Variants in SHISA6 observed in about 807,000 individuals in gnomAD.
SHISA6 encodes the protein protein shisa-6.
In SHISA6, 22 loss-of-function variants were observed where a neutral mutation model predicts 47.9. The observed-to-expected ratio is 0.46, with a 90% CI of 0.33 to 0.66. SHISA6 has a LOEUF of 0.66. Among genes scored for constraint, SHISA6 ranks in the 30% least tolerant of loss-of-function variants. The pLI, the probability that SHISA6 is intolerant of heterozygous loss-of-function variation, is 0.02. For synonymous variants in SHISA6, 388 were observed against 337.8 expected, an observed-to-expected ratio of 1.15 and a Z score of -1.63; for missense variants, 680 against 764.6, an observed-to-expected ratio of 0.89 and a Z score of 1.30.
At chr17:11,286,012 A>G (rs1909286118) in intron 2 of SHISA6, among the ~76,000 whole-genome samples, 1 of 151,856 alleles carries the variant, frequency 6.6e-6, no homozygotes. Flanking sequence ...AATATTTTGT[A>G]TTTTTAGTAG....
chr17:11,556,575 G>A (rs551059044), intron 5 of SHISA6, among the ~76,000 whole-genome samples: 32 of 152,268 alleles, frequency 2.1e-4, no homozygotes, highest in African/African-American at 7.2e-4. Flanking sequence ...CCCAACTGCA[G>A]TTGGAGCCTC....
intron 2 of SHISA6, among the ~76,000 whole-genome samples, chr17:11,328,332 T>A (rs1415507328): frequency 6.6e-6 from 1 of 152,134 alleles, no homozygotes; most frequent in African/African-American, 2.4e-5. Flanking sequence ...TAATGGTTGC[T>A]TTGTTTGTGG....
chr17:11,418,588 C>T (rs920659632), intron 3 of SHISA6, among the ~76,000 whole-genome samples: 1 of 152,134 alleles, frequency 6.6e-6, no homozygotes, highest in Non-Finnish European at 1.5e-5. Context: ...TAACTCTATC[C>T]ACCACACTTT....
chr17:11,293,237 T>G (rs553998186), intron 2 of SHISA6, among the ~76,000 whole-genome samples: 3 of 152,274 alleles, frequency 2.0e-5, no homozygotes, highest in Admixed American at 6.5e-5. Context: ...GGAGCTTTTT[T>G]TCGCAGGTCA....
rs112340400 is a variant in SHISA6, at chr17:11,560,269, G to A, written c.*1965G>A. On this transcript the variant is annotated 3_prime_UTR_variant, in exon 6 of 6. Transcript: ENST00000441885. The stretch of plus-strand genomic sequence containing the variant: ...GATCTTAGGGGGATGGAGGCTGGGG[G>A]TTGTGAAAGCCACTGTCAGACCCCA... 6.6e-6 allele frequency: 1 copy of A among 152,464 alleles called. No homozygotes were observed. Among genetic ancestry groups the A allele is most frequent in the African/African-American group, 2.4e-5 (1 of 41,460 alleles). The allele number at this position is 152,464 out of a possible 1,614,324, so 9.4% of individuals were successfully genotyped here. A position where few individuals can be genotyped will look rare whatever the true frequency, so the allele number is the denominator to read the frequency against.
intron 3 of SHISA6, among the ~76,000 whole-genome samples, chr17:11,413,708 A>G (rs1914201709): frequency 6.6e-6 from 1 of 152,146 alleles, no homozygotes; most frequent in Admixed American, 6.5e-5. Context: ...GCCAAGCCCA[A>G]GTGTTCCAGC....
chr17:11,356,148 A>G (rs1224316234), intron 2 of SHISA6, among the ~76,000 whole-genome samples: 3 of 152,238 alleles, frequency 2.0e-5, no homozygotes, highest in African/African-American at 7.2e-5. Context: ...TGAGGCATGC[A>G]TTGTAGAATT....
intron 3 of SHISA6, among the ~76,000 whole-genome samples, chr17:11,480,841 G>A (rs781276738): frequency 1.3e-5 from 2 of 152,084 alleles, no homozygotes; most frequent in Non-Finnish European, 2.9e-5. Flanking sequence ...GAACCTAATG[G>A]TACTACTTCT....
intron 3 of SHISA6, among the ~76,000 whole-genome samples, chr17:11,492,589 G>A (rs2071373346): frequency 6.6e-6 from 1 of 152,278 alleles, no homozygotes; most frequent in Non-Finnish European, 1.5e-5. Flanking sequence ...GCATGAAAGT[G>A]TCTTACACAT....
At chr17:11,309,845 T>A (rs1390817695) in intron 2 of SHISA6, among the ~76,000 whole-genome samples, 1 of 152,238 alleles carries the variant, frequency 6.6e-6, no homozygotes, top group Non-Finnish European at 1.5e-5. Flanking sequence ...CCTTTCCCCA[T>A]TTTCAAATCT....
chr17:11,241,528 A>G lies in SHISA6; in HGVS notation c.106A>G (p.Ser36Gly). The G allele has an allele frequency of 9.0e-7, 1 of 1,116,610 alleles. No individual in the cohort carries two copies. 69.2% of individuals were successfully genotyped at this position (1,116,610 alleles called of 1,614,324 possible). ...CGGCCGCGCCGCCAACCGGACCCTG[A>G]GTGCAGGCGGCGCTGCCGTCGGGGG... ...ARGRAANRTLSAGGAAVGGRR... is the reference protein window; with the variant it reads ...ARGRAANRTLGAGGAAVGGRR... The change falls in exon 1 of 6, where the codon AGT becomes GGT. Residue 36 changes from serine (S) to glycine (G), a missense_variant. Around this residue, in one of 2 missense-constraint regions of SHISA6, gnomAD observed 121 missense variants for 90.5 expected, o/e 1.34. Transcript: ENST00000441885. This position sits in a 1 kb window ranked among gnomAD's most constrained non-coding sequence, Gnocchi z 5.5.
At chr17:11,327,079 T>C (rs1489190939) in intron 2 of SHISA6, among the ~76,000 whole-genome samples, 1 of 152,156 alleles carries the variant, frequency 6.6e-6, no homozygotes, top group African/African-American at 2.4e-5. Flanking sequence ...AAGGGAACCA[T>C]CCGATAGAGA....
chr17:11,512,606 C>T (rs1047275220), intron 3 of SHISA6, among the ~76,000 whole-genome samples: 8 of 151,902 alleles, frequency 5.3e-5, no homozygotes, highest in African/African-American at 1.2e-4. Context: ...ATTATTGCAA[C>T]AAAACAAGTA....
At chr17:11,351,130 G>A (rs1373787928) in intron 2 of SHISA6, among the ~76,000 whole-genome samples, 1 of 151,960 alleles carries the variant, frequency 6.6e-6, no homozygotes, top group Non-Finnish European at 1.5e-5. Flanking sequence ...ATCACACACT[G>A]GGGCCTGTTG....
chr17:11,532,834 G>C (rs2071748602), intron 3 of SHISA6, among the ~76,000 whole-genome samples: 1 of 149,248 alleles, frequency 6.7e-6, no homozygotes, highest in Non-Finnish European at 1.5e-5. Context: ...GTGATCTCCA[G>C]GGTCTCCCTG....
At chr17:11,543,858 A>T (rs1341758871) in intron 3 of SHISA6, among the ~76,000 whole-genome samples, 1 of 151,596 alleles carries the variant, frequency 6.6e-6, no homozygotes, top group Non-Finnish European at 1.5e-5. Context: ...ATTTAGTGAA[A>T]AAAGGTGATC....
At chr17:11,398,403 T>C (rs1913648896) in intron 3 of SHISA6, among the ~76,000 whole-genome samples, 1 of 152,062 alleles carries the variant, frequency 6.6e-6, no homozygotes, top group Non-Finnish European at 1.5e-5. Flanking sequence ...ACTCCCCACT[T>C]CTATGCCTCC....
intron 2 of SHISA6, among the ~76,000 whole-genome samples, chr17:11,267,919 C>G (rs1013586529): frequency 6.6e-6 from 1 of 152,076 alleles, no homozygotes; most frequent in African/African-American, 2.4e-5. Context: ...AGAGATGCAC[C>G]GTACCTAGCG....
intron 3 of SHISA6, among the ~76,000 whole-genome samples, chr17:11,417,319 C>T (rs1914308735): frequency 6.6e-6 from 1 of 152,012 alleles, no homozygotes; most frequent in African/African-American, 2.4e-5. Context: ...ATTCCGAAAA[C>T]ACAAGTAGGT....
Sources: allele counts gnomAD v4.1 joint callset (sites outside exome capture counted in the v4.1 genomes callset), GRCh38; gene constraint gnomAD v4.1.1; regional missense constraint gnomAD v4.1.1; non-coding constraint Gnocchi (gnomAD v3.1); transcripts MANE v1.5; gene names NCBI Gene and HGNC (gene_info 2026-07-23, HGNC 2026-07-21).